TTC39C: variants seen among roughly 807,000 people sequenced by gnomAD.
TTC39C encodes the protein tetratricopeptide repeat domain 39C.
A neutral mutation model predicts 76.3 loss-of-function variants in TTC39C; 33 were observed. The observed-to-expected ratio is 0.43, with a 90% CI of 0.33 to 0.58. The LOEUF is 0.58. Ranked by LOEUF, TTC39C falls within the 20% of genes least tolerant of loss-of-function variation. The pLI, the probability that TTC39C is intolerant of heterozygous loss-of-function variation, is 0.04. For missense variants in TTC39C, 595 were observed against 701.4 expected (o/e 0.85, Z 1.71); for synonymous variants, 254 against 260.6 (o/e 0.97, Z 0.24).
chr18:24,109,030 C>G (rs1285484269), intron 6 of TTC39C, among the ~76,000 whole-genome samples: 1 of 151,946 alleles, frequency 6.6e-6, no homozygotes, highest in Non-Finnish European at 1.5e-5. Context: ...GAGTATTATA[C>G]TTAAATGAAA....
chr18:24,075,700 A>AC (rs2084298721), intron 4 of TTC39C, among the ~76,000 whole-genome samples: 1 of 150,988 alleles, frequency 6.6e-6, no homozygotes, highest in Middle Eastern at 3.4e-3. Flanking sequence ...AAAAAAAAAA[A>AC]AAACAAAAAA....
exon 1 of TTC39C, chr18:23,992,903 C>T (rs928642421): frequency 5.9e-5 from 9 of 152,210 alleles, no homozygotes; most frequent in Admixed American, 2.6e-4. Flanking sequence ...CCATCTTGTC[C>T]CTCCTGGAGA....
At chr18:24,108,930 G>A (rs1389369406) in intron 6 of TTC39C, among the ~76,000 whole-genome samples, 3 of 152,128 alleles carry the variant, frequency 2.0e-5, no homozygotes, top group Admixed American at 2.0e-4. Flanking sequence ...GTGAGTATAT[G>A]TTCAGAATGT....
At chr18:24,104,234 A>C (rs2084716288) in intron 6 of TTC39C, among the ~76,000 whole-genome samples, 1 of 152,060 alleles carries the variant, frequency 6.6e-6, no homozygotes, top group Non-Finnish European at 1.5e-5. Flanking sequence ...ACCTAGCCCC[A>C]AATCCCAAAT....
In TTC39C at chr18:24,130,358, T is replaced by C; in HGVS notation, c.1564T>C (p.Leu522=). The stretch of plus-strand genomic sequence containing the variant: ...AGATGAATTGTGTCGTCAGAATAAC[T>C]TATATGTTCAGCCGTATGCCTGTTA... The part of the protein sequence containing the change: ...VKDELCRQNN[L]YVQPYACYEL... The change falls in exon 12 of 14, where the codon TTA becomes CTA. Residue 522 remains leucine (L), a synonymous_variant. Transcript: ENST00000317571. 1.1e-5 allele frequency: 18 copies of C among 1,593,556 alleles called. No homozygotes were observed. Among genetic ancestry groups the C allele is most frequent in the Non-Finnish European group, 1.5e-5 (18 of 1,171,002 alleles).
intron 1 of TTC39C, among the ~76,000 whole-genome samples, chr18:24,063,222 T>G (rs1355830106): frequency 1.3e-5 from 2 of 152,214 alleles, no homozygotes; most frequent in Non-Finnish European, 2.9e-5. Flanking sequence ...GGTATTGATT[T>G]GGTTTCATTT....
chr18:24,065,592 A>G (rs994252340), intron 2 of TTC39C, among the ~76,000 whole-genome samples: 2 of 152,232 alleles, frequency 1.3e-5, no homozygotes, highest in Non-Finnish European at 2.9e-5. Flanking sequence ...AGGTGTACCT[A>G]CAAGCTGTTG....
rs748440190 is a variant in TTC39C at position 24,114,627 on chromosome 18, ATGTC to A, written c.1066_1069del (p.Leu356MetfsTer8). 6.2e-7 allele frequency: 1 copy of A among 1,613,562 alleles called. No individual in the cohort carries two copies. Among genetic ancestry groups the A allele is most frequent in the South Asian group, 1.1e-5 (1 of 91,064 alleles). On this transcript the variant is annotated frameshift_variant, in exon 7 of 14. Transcript: ENST00000317571. LOFTEE classifies it high-confidence loss of function. Reference sequence around the variant, plus strand: ...GCAGTAGACCAGAGAGAAATTCAACATGTCTGTCTGTATGAAATTGGTAAATATG... The same window carrying A: ...GCAGTAGACCAGAGAGAAATTCAACATGTCTGTATGAAATTGGTAAATATG...
intron 1 of TTC39C, among the ~76,000 whole-genome samples, chr18:24,061,867 G>T (rs2084105994): frequency 6.6e-6 from 1 of 152,188 alleles, no homozygotes; most frequent in Admixed American, 6.5e-5. Flanking sequence ...TTGCACAATT[G>T]CACTCCAGCC....
chr18:24,089,364 C>A (rs564058753), intron 6 of TTC39C, among the ~76,000 whole-genome samples: 1 of 152,268 alleles, frequency 6.6e-6, no homozygotes, highest in Admixed American at 6.5e-5. Flanking sequence ...AGAAATAATT[C>A]CCTAAAGTTC....
At chr18:24,001,154 A>C (rs1017467289) in intron 1 of TTC39C, among the ~76,000 whole-genome samples, 1 of 152,126 alleles carries the variant, frequency 6.6e-6, no homozygotes, top group African/African-American at 2.4e-5. Flanking sequence ...GGTCTTCTGG[A>C]TAGTCAAGAG....
intron 6 of TTC39C, among the ~76,000 whole-genome samples, chr18:24,108,343 C>T (rs61405900): frequency 0.043 from 6,599 of 152,250 alleles, 338 homozygotes; most frequent in East Asian, 0.22. Flanking sequence ...GTTACAGATT[C>T]GGGGAGGGCT....
At chr18:24,098,463 CTTTCT>C (rs1359319254) in intron 6 of TTC39C, among the ~76,000 whole-genome samples, 6 of 119,692 alleles carry the variant, frequency 5.0e-5, no homozygotes, top group African/African-American at 2.0e-4. Flanking sequence ...CTTTCCTTTC[CTTTCT>C]TTTCTCCTCT....
intron 4 of TTC39C, among the ~76,000 whole-genome samples, chr18:24,073,845 T>C (rs1375839524): frequency 1.3e-5 from 2 of 152,232 alleles, no homozygotes; most frequent in Non-Finnish European, 2.9e-5. Context: ...GTGCTATTAC[T>C]TATACCCTGT....
At position 24,135,120 on chromosome 18, in the gene TTC39C, A is replaced by C. The variant is rs12607257; in HGVS notation, c.*2546A>C. ...CGGGTTTAAGCGATTCTTCTGCCTG[A>C]GCCTCCCAAGTAGCTGGGATTACAA... On this transcript the variant is annotated 3_prime_UTR_variant, in exon 14 of 14. Transcript: ENST00000317571. The C allele has an allele frequency of 0.48, 72,798 of 151,776 alleles. 20,557 individuals carry two copies. Among genetic ancestry groups the C allele is most frequent in the Non-Finnish European group, 0.64 (43,744 of 67,978 alleles). The allele number at this position is 151,776 out of a possible 1,614,324, so 9.4% of individuals were successfully genotyped here.
chr18:24,063,799 C>G (rs1253978745), intron 1 of TTC39C, among the ~76,000 whole-genome samples: 1 of 152,148 alleles, frequency 6.6e-6, no homozygotes, highest in Non-Finnish European at 1.5e-5. Context: ...CAGACGTGAG[C>G]CACCGCGCCT....
At chr18:24,000,062 A>G (rs961287539) in intron 1 of TTC39C, among the ~76,000 whole-genome samples, 1 of 152,156 alleles carries the variant, frequency 6.6e-6, no homozygotes, top group African/African-American at 2.4e-5. Context: ...GGGGCAGGAC[A>G]CTTTCCCTAC....
chr18:24,111,207 G>A (rs997482074), intron 6 of TTC39C, among the ~76,000 whole-genome samples: 11 of 152,152 alleles, frequency 7.2e-5, no homozygotes, highest in African/African-American at 2.4e-4. Flanking sequence ...AGCCAGGCTG[G>A]TGTCGATCTC....
At chr18:24,082,086 C>G (rs555887013) in intron 5 of TTC39C, among the ~76,000 whole-genome samples, 3 of 144,962 alleles carry the variant, frequency 2.1e-5, no homozygotes, top group South Asian at 4.5e-4. Flanking sequence ...GGCGCGATCT[C>G]GGCTCACTGC....
Sources: allele counts gnomAD v4.1 joint callset (sites outside exome capture counted in the v4.1 genomes callset), GRCh38; gene constraint gnomAD v4.1.1; transcripts MANE v1.5; gene names NCBI Gene and HGNC (gene_info 2026-07-23, HGNC 2026-07-21).